The following COL4A6 variants were observed in gnomAD, a reference collection of about 807,000 sequenced individuals.
COL4A6 encodes the protein collagen type IV alpha 6 chain.
Under a neutral mutation model 126.7 loss-of-function variants are expected in COL4A6, and 59 were observed. That is an observed-to-expected ratio of 0.47 (90% CI 0.38 to 0.58). The LOEUF is 0.58. COL4A6 is among the 20% of genes least tolerant of loss of function. The pLI, the probability that COL4A6 is intolerant of heterozygous loss-of-function variation, is 0.00. For synonymous variants in COL4A6, 547 were observed against 496.6 expected (o/e 1.10, Z -1.35); for missense variants, 1,285 against 1,337.3 (o/e 0.96, Z 0.61).
intron 31 of COL4A6, 42 bp from the exon 32 acceptor site, chrX:108,172,574 A>C: frequency 1.9e-6 from 2 of 1,069,866 alleles, no homozygotes; most frequent in Non-Finnish European, 2.6e-6. Flanking sequence ...CCCAGAGCTC[A>C]GGACTGCCCA....
chrX:108,408,060 T>A (rs895132024), intron 2 of COL4A6, among the ~76,000 whole-genome samples: 2 of 111,487 alleles, frequency 1.8e-5, no homozygotes, highest in Non-Finnish European at 3.8e-5. Flanking sequence ...CCTGTAATCA[T>A]GGCACTTGGG....
intron 8 of COL4A6, among the ~76,000 whole-genome samples, chrX:108,207,981 T>G (rs562833763): frequency 9.0e-6 from 1 of 111,417 alleles, no homozygotes; most frequent in African/African-American, 3.3e-5. Context: ...TTTTTCCTAT[T>G]AGAATGTTAT....
At chrX:108,187,761 G>A (rs1415023256) in intron 22 of COL4A6, 87 bp downstream of exon 22, 3 of 938,362 alleles carry the variant, frequency 3.2e-6, no homozygotes, top group African/African-American at 2.0e-5. Context: ...GTTCTTCCCT[G>A]TTTCATGGTC....
At chrX:108,265,636 G>A (rs761222729) in intron 3 of COL4A6, among the ~76,000 whole-genome samples, 1 of 110,212 alleles carries the variant, frequency 9.1e-6, no homozygotes, top group South Asian at 3.9e-4. Flanking sequence ...AGGTGGGAGT[G>A]GACAAAGAAA....
intron 3 of COL4A6, among the ~76,000 whole-genome samples, chrX:108,282,115 G>A (rs1475748495): frequency 9.1e-6 from 1 of 110,069 alleles, no homozygotes; most frequent in East Asian, 2.8e-4. Context: ...AACACCAAAA[G>A]CAATGACAAC....
intron 2 of COL4A6, among the ~76,000 whole-genome samples, chrX:108,376,812 T>C (rs1336434446): frequency 1.8e-5 from 2 of 112,726 alleles, no homozygotes; most frequent in Non-Finnish European, 3.7e-5. Context: ...ATACTTTTCT[T>C]ACACCTAAGG....
intron 5 of COL4A6, among the ~76,000 whole-genome samples, chrX:108,214,491 A>G (rs2035803948): frequency 8.9e-6 from 1 of 112,163 alleles, no homozygotes; most frequent in Non-Finnish European, 1.9e-5. Context: ...AACAGATGGG[A>G]TACACAAGGT....
intron 3 of COL4A6, among the ~76,000 whole-genome samples, chrX:108,302,470 T>C (rs1303436701): frequency 9.0e-6 from 1 of 111,448 alleles, no homozygotes; most frequent in East Asian, 2.8e-4. Flanking sequence ...ATGAGGCTGA[T>C]AAAAATCTCA....
chrX:108,271,271 G>T (rs1280795505), intron 3 of COL4A6, among the ~76,000 whole-genome samples: 1 of 111,428 alleles, frequency 9.0e-6, no homozygotes, highest in Non-Finnish European at 1.9e-5. Flanking sequence ...TGGAAAGCAG[G>T]ATCTCACACC....
At position 108,163,051 on chromosome X, in the gene COL4A6, G is replaced by A. The variant is rs945424165; in HGVS notation, c.4070-13C>T. 1.7e-6 allele frequency: 2 copies of A among 1,188,172 alleles called. No homozygotes were observed. The highest frequency in any genetic ancestry group is 6.2e-5 in the East Asian group (2 of 32,231). On this transcript the variant is annotated splice_polypyrimidine_tract_variant and intron_variant, in intron 40 of 44. Transcript: ENST00000334504. ...AGGCCAGAAGAGCCTGTGGGCAGGTGGGGGAAATAAGAACATCAGGCTGAG... is the reference window on the plus strand; with the variant it reads ...AGGCCAGAAGAGCCTGTGGGCAGGTAGGGGAAATAAGAACATCAGGCTGAG...
intron 2 of COL4A6, among the ~76,000 whole-genome samples, chrX:108,314,182 C>T (rs761559920): frequency 9.0e-5 from 10 of 111,528 alleles, no homozygotes; most frequent in East Asian, 8.4e-4. Context: ...GTCCCTGACT[C>T]CCTGATCATT....
Position 108,342,261 on chromosome X carries a change from C to A in COL4A6, c.64-31433G>T, listed in dbSNP as rs73526987. Among the ~76,000 whole-genome samples, 1,045 of 112,295 alleles carry A rather than the reference C, an allele frequency of 9.3e-3. 15 individuals are homozygous for A. The highest frequency in any genetic ancestry group is 0.032 in the African/African-American group (988 of 30,952). ...CTTTCTGTTATCTTTTGGCTTCCCA[C>A]ATGGATTTTCCTACAGGCAGAAGAC... On this transcript the variant is annotated intron_variant, in intron 2 of 44. Coordinates refer to ENST00000334504, the MANE Select transcript of COL4A6 (RefSeq NM_033641.4).
At chrX:108,279,178 A>G (rs2037718708) in intron 3 of COL4A6, among the ~76,000 whole-genome samples, 1 of 111,669 alleles carries the variant, frequency 9.0e-6, no homozygotes, top group Admixed American at 9.5e-5. Flanking sequence ...AAATGCTCCA[A>G]TTAAAAGACA....
chrX:108,374,915 G>C (rs1165742518), intron 2 of COL4A6, among the ~76,000 whole-genome samples: 4 of 111,808 alleles, frequency 3.6e-5, no homozygotes, highest in Non-Finnish European at 7.5e-5. Context: ...CATTTTTAAG[G>C]GCTTGCAGTC....
chrX:108,370,578 G>A (rs1480866347), intron 2 of COL4A6, among the ~76,000 whole-genome samples: 1 of 111,753 alleles, frequency 8.9e-6, no homozygotes, highest in Non-Finnish European at 1.9e-5. Context: ...TTTGAGGTCT[G>A]ACTATACATC....
chrX:108,280,061 C>A (rs750806568), intron 3 of COL4A6, among the ~76,000 whole-genome samples: 1 of 111,118 alleles, frequency 9.0e-6, no homozygotes, highest in African/African-American at 3.3e-5. Context: ...AAAATTGACA[C>A]CCTGAGATCA....
chrX:108,343,175 T>TATATATATA (rs1569434569), intron 2 of COL4A6, among the ~76,000 whole-genome samples: 3 of 96,127 alleles, frequency 3.1e-5, no homozygotes, highest in African/African-American at 1.2e-4. Context: ...AGTGTGTGTG[T>TATATATATA]GTGTGTGTGT....
chrX:108,429,894 C>A (rs751714316), intron 2 of COL4A6, among the ~76,000 whole-genome samples: 19 of 111,463 alleles, frequency 1.7e-4, no homozygotes, highest in African/African-American at 5.9e-4. Flanking sequence ...TTAAGATAGA[C>A]AGGGAGAAGG....
chrX:108,278,660 C>T (rs1246411569), intron 3 of COL4A6, among the ~76,000 whole-genome samples: 7 of 108,221 alleles, frequency 6.5e-5, no homozygotes, highest in Non-Finnish European at 9.6e-5. Context: ...AGATACTCCT[C>T]GAGAAGAGCA....
Sources: allele counts gnomAD v4.1 joint callset (sites outside exome capture counted in the v4.1 genomes callset), GRCh38; gene constraint gnomAD v4.1.1; transcripts MANE v1.5; gene names NCBI Gene and HGNC (gene_info 2026-07-23, HGNC 2026-07-21).